Variants in CDH7 observed in about 807,000 individuals in gnomAD.
CDH7 encodes cadherin 7, also known as cadherin-7.
CDH7 carries 25 observed loss-of-function variants against 71.8 expected under a neutral mutation model. The observed-to-expected ratio is 0.35, with a 90% CI of 0.25 to 0.49. The LOEUF is 0.49. Ranked by LOEUF, CDH7 falls within the 20% of genes least tolerant of loss-of-function variation. The pLI is 0.99. For synonymous variants in CDH7, 381 were observed against 363.8 expected, an observed-to-expected ratio of 1.05 and a Z score of -0.54; for missense variants, 862 against 974.6, an observed-to-expected ratio of 0.88 and a Z score of 1.54.
At chr18:65,871,550 T>C (rs1368521117) in intron 11 of CDH7, among the ~76,000 whole-genome samples, 1 of 152,092 alleles carries the variant, frequency 6.6e-6, no homozygotes, top group Admixed American at 6.6e-5. Context: ...GAGTGGAGCA[T>C]GCGGTGATGG....
At chr18:65,766,885 TAAAAAAAAAAAAAAAAAA>T (rs61611288) in intron 2 of CDH7, among the ~76,000 whole-genome samples, 5 of 88,616 alleles carry the variant, frequency 5.6e-5, no homozygotes, top group Non-Finnish European at 8.2e-5. Flanking sequence ...CTGTCTGACG[TAAAAAAAAAAAAAAAAAA>T]AAAAAAAAAA....
intron 11 of CDH7, among the ~76,000 whole-genome samples, chr18:65,868,501 C>T (rs1599064208): frequency 1.3e-5 from 2 of 152,200 alleles, no homozygotes; most frequent in East Asian, 3.8e-4. Context: ...TGAAAGACCT[C>T]TCTGTTTCTA....
chr18:65,796,292 A>G (rs143612373), intron 2 of CDH7, among the ~76,000 whole-genome samples: 5,813 of 152,134 alleles, frequency 0.038, 186 homozygotes, highest in Non-Finnish European at 0.056. Context: ...ATTACTAAAT[A>G]GACATTTTGA....
In CDH7 at chr18:65,787,307, G is replaced by T. The variant is rs80056166; in HGVS notation, c.211-22397G>T. Among the ~76,000 whole-genome samples the T allele has an allele frequency of 8.9e-3, 1,362 of 152,192 alleles. 23 individuals are homozygous for T. Among genetic ancestry groups the T allele is most frequent in the African/African-American group, 0.031 (1,291 of 41,526 alleles). ...ATTATTAGAACTTGATTGAGGGGTG[G>T]TTATACACTGTTCCAAATTATTGCT... is the stretch of plus-strand genomic sequence containing the variant. On this transcript the variant is annotated intron_variant, in intron 2 of 11. Transcript: ENST00000397968.
At chr18:65,762,462 T>G (rs2143787117) in intron 1 of CDH7, among the ~76,000 whole-genome samples, 185 bp from the exon 2 acceptor site, 1 of 152,246 alleles carries the variant, frequency 6.6e-6, no homozygotes, top group African/African-American at 2.4e-5. Flanking sequence ...AATTCACAAA[T>G]ATATCAATGT....
chr18:65,887,938 C>A lies in CDH7; in HGVS notation c.*7044C>A, dbSNP rs1340458945. On this transcript the variant is annotated 3_prime_UTR_variant, in exon 12 of 12. Transcript: ENST00000397968. ...TATAATTACATTAAAAAGAAAACCA[C>A]TTTTATAATATTTTTGCTTATGTAA... The A allele has an allele frequency of 6.6e-6, 1 of 152,062 alleles. No homozygotes were observed. Among genetic ancestry groups the A allele is most frequent in the Non-Finnish European group, 1.5e-5 (1 of 67,996 alleles). 9.4% of individuals were successfully genotyped at this position (152,062 alleles called of 1,614,324 possible).
chr18:65,846,241 C>A (rs145720503), intron 7 of CDH7, among the ~76,000 whole-genome samples: 1 of 152,058 alleles, frequency 6.6e-6, no homozygotes, highest in African/African-American at 2.4e-5. Context: ...GCACAGAGGT[C>A]AAAGGCAGAA....
intron 4 of CDH7, among the ~76,000 whole-genome samples, chr18:65,820,268 A>G (rs2143932268): frequency 6.6e-6 from 1 of 151,308 alleles, no homozygotes; most frequent in African/African-American, 2.4e-5. Flanking sequence ...AAGAGCCCAT[A>G]GATAGATTTT....
chr18:65,788,795 T>G (rs929646274), intron 2 of CDH7, among the ~76,000 whole-genome samples: 2 of 152,124 alleles, frequency 1.3e-5, no homozygotes, highest in South Asian at 4.2e-4. Context: ...AAGTTTCCAG[T>G]GAGTAAAAGT....
intron 2 of CDH7, among the ~76,000 whole-genome samples, chr18:65,767,531 GA>G (rs1916413501): frequency 6.6e-6 from 1 of 152,124 alleles, no homozygotes; most frequent in South Asian, 2.1e-4. Flanking sequence ...AGACAAACAG[GA>G]AAAGTGTCCT....
At chr18:65,855,389 C>G (rs1599054119) in intron 7 of CDH7, among the ~76,000 whole-genome samples, 1 of 147,798 alleles carries the variant, frequency 6.8e-6, no homozygotes, top group Non-Finnish European at 1.5e-5. Context: ...ATATTAAGAA[C>G]AAAAGAGGAG....
intron 6 of CDH7, among the ~76,000 whole-genome samples, chr18:65,830,327 G>A (rs1912291636): frequency 6.6e-6 from 1 of 152,142 alleles, no homozygotes; most frequent in South Asian, 2.1e-4. Context: ...CATTTTAGGT[G>A]CAGCTCAATA....
intron 2 of CDH7, among the ~76,000 whole-genome samples, chr18:65,773,230 A>G (rs1916597191): frequency 6.6e-6 from 1 of 152,178 alleles, no homozygotes; most frequent in Admixed American, 6.6e-5. Context: ...TATAAATTGT[A>G]TAATTTTGGT....
chr18:65,841,935 A>C (rs962763811), intron 6 of CDH7, among the ~76,000 whole-genome samples: 1 of 152,202 alleles, frequency 6.6e-6, no homozygotes, highest in Non-Finnish European at 1.5e-5. Flanking sequence ...TGAGTTTGTT[A>C]ATACAATGTT....
chr18:65,876,753 G>A (rs556022709), intron 11 of CDH7, among the ~76,000 whole-genome samples: 8 of 152,186 alleles, frequency 5.3e-5, no homozygotes, highest in East Asian at 1.9e-4. Context: ...TTGGTCCCAC[G>A]GAATCGTAAG....
intron 11 of CDH7, 124 bp from the exon 12 acceptor site, chr18:65,880,276 TG>T: frequency 1.1e-6 from 1 of 931,290 alleles, no homozygotes; most frequent in Non-Finnish European, 1.5e-6. Flanking sequence ...TGGAAGTAGG[TG>T]GCCAATTCAT....
At chr18:65,770,427 A>C (rs1916508174) in intron 2 of CDH7, among the ~76,000 whole-genome samples, 1 of 152,208 alleles carries the variant, frequency 6.6e-6, no homozygotes, top group Non-Finnish European at 1.5e-5. Flanking sequence ...GAATCCTATA[A>C]GTTAAAGAAC....
At chr18:65,807,756 T>A (rs570986892) in intron 2 of CDH7, among the ~76,000 whole-genome samples, 1 of 152,266 alleles carries the variant, frequency 6.6e-6, no homozygotes, top group South Asian at 2.1e-4. Context: ...GTAGTGGAGT[T>A]TACTGTTATG....
chr18:65,760,326 G>A (rs1415551233), intron 1 of CDH7, among the ~76,000 whole-genome samples: 3 of 152,104 alleles, frequency 2.0e-5, no homozygotes, highest in Non-Finnish European at 4.4e-5. Context: ...ACGTAGTTAA[G>A]ACATGACTGA....
Sources: gnomAD v4.1 joint callset for allele counts (sites outside exome capture counted in the v4.1 genomes callset) on GRCh38, gnomAD v4.1.1 for gene constraint, MANE v1.5 for transcripts, NCBI Gene and HGNC (gene_info 2026-07-23, HGNC 2026-07-21) for gene names.